NEBL: variants seen among roughly 807,000 people sequenced by gnomAD.
The protein encoded by NEBL is LIM and SH3 protein 2.
Under a neutral mutation model 140.2 loss-of-function variants are expected in NEBL, and 122 were observed. That is an observed-to-expected ratio of 0.87 (90% CI 0.75 to 1.01). The LOEUF is 1.01. Among genes scored for constraint, NEBL ranks in the 50% least tolerant of loss-of-function variants. The probability of loss-of-function intolerance (pLI) is 0.00; values close to 1 mark genes in which losing one functional copy is unlikely to be tolerated. For synonymous variants in NEBL, 436 were observed against 398.9 expected, an observed-to-expected ratio of 1.09 and a Z score of -1.11; for missense variants, 1,365 against 1,231.3, an observed-to-expected ratio of 1.11 and a Z score of -1.62.
chr10:21,128,417 G>T (rs532543921), intron 2 of NEBL, among the ~76,000 whole-genome samples: 8 of 152,144 alleles, frequency 5.3e-5, no homozygotes, highest in Middle Eastern at 6.8e-3. Flanking sequence ...ACCCCCAAGA[G>T]CATTTCAAAT....
chr10:21,269,722 G>A lies in NEBL; in HGVS notation n.183-17894C>T, dbSNP rs146808374. On this transcript the variant is annotated intron_variant and non_coding_transcript_variant, in intron 1 of 8. Transcript: ENST00000675702. Reference sequence around the variant, plus strand: ...CACTGGGCTGAATCTGTTGTTTATGGAGATTTGCTGTAGGGAATATATTTG... The same window carrying A: ...CACTGGGCTGAATCTGTTGTTTATGAAGATTTGCTGTAGGGAATATATTTG... 8.4e-3 allele frequency among the ~76,000 whole-genome samples: 1,276 copies of A among 152,274 alleles called. 8 individuals carry two copies. Among genetic ancestry groups the A allele is most frequent in the Non-Finnish European group, 0.014 (967 of 68,016 alleles).
At chr10:21,287,733 TG>T (rs2132303715) in intron 1 of NEBL, among the ~76,000 whole-genome samples, 1 of 152,280 alleles carries the variant, frequency 6.6e-6, no homozygotes, top group South Asian at 2.1e-4. Flanking sequence ...CATACTGAAT[TG>T]GCAAAATCAA....
intron 4 of NEBL, among the ~76,000 whole-genome samples, chr10:20,929,260 A>AAT (rs57452633): frequency 0.14 from 21,129 of 148,828 alleles, 1,544 homozygotes; most frequent in South Asian, 0.23. Context: ...GAGAGATATA[A>AAT]ATATATATAT....
At chr10:21,026,216 C>T (rs1321329786) in intron 2 of NEBL, among the ~76,000 whole-genome samples, 1 of 152,128 alleles carries the variant, frequency 6.6e-6, no homozygotes, top group Non-Finnish European at 1.5e-5. Context: ...TGGCAATAGG[C>T]AACGTCCGGA....
chr10:21,100,884 A>G (rs1354861719), intron 2 of NEBL, among the ~76,000 whole-genome samples: 1 of 152,170 alleles, frequency 6.6e-6, no homozygotes, highest in African/African-American at 2.4e-5. Context: ...ATGATAACAA[A>G]TTTCCTGTGA....
chr10:20,948,653 G>A (rs1048854599), intron 4 of NEBL, among the ~76,000 whole-genome samples: 1 of 152,182 alleles, frequency 6.6e-6, no homozygotes, highest in Non-Finnish European at 1.5e-5. Flanking sequence ...AAGGTTCACA[G>A]CAGTTGTTAA....
chr10:21,288,963 T>A (rs1215704158), intron 1 of NEBL, among the ~76,000 whole-genome samples: 1 of 147,528 alleles, frequency 6.8e-6, no homozygotes, highest in Non-Finnish European at 1.5e-5. Flanking sequence ...ATTCTCTGCC[T>A]CAGCCTCCCG....
intron 3 of NEBL, among the ~76,000 whole-genome samples, chr10:21,007,750 A>G (rs964882647): frequency 2.0e-5 from 3 of 152,228 alleles, no homozygotes; most frequent in African/African-American, 2.4e-5. Context: ...TAAAACAGGT[A>G]AAGCCTCTTG....
intron 2 of NEBL, among the ~76,000 whole-genome samples, chr10:21,160,408 A>G (rs1236672217): frequency 6.6e-6 from 1 of 152,130 alleles, no homozygotes; most frequent in African/African-American, 2.4e-5. Flanking sequence ...TTAAAAAAAG[A>G]CCACAGAGGC....
rs540249439 is a variant in NEBL, at chr10:20,953,665, A to C, written c.357+8007T>G. On this transcript the variant is annotated intron_variant, in intron 4 of 6. Transcript: ENST00000417816. ...AATGTTGCTACAATCCTTTGATAAAACTATAGAAGTCACTGAATATTTAAG... is the reference window on the plus strand; with the variant it reads ...AATGTTGCTACAATCCTTTGATAAACCTATAGAAGTCACTGAATATTTAAG... Among the ~76,000 whole-genome samples, 835 of 152,198 alleles carry C rather than the reference A, an allele frequency of 5.5e-3. 7 individuals carry two copies. The highest frequency in any genetic ancestry group is 0.018 in the African/African-American group (733 of 41,510).
intron 3 of NEBL, among the ~76,000 whole-genome samples, chr10:20,994,028 C>T (rs530207399): frequency 6.6e-6 from 1 of 152,202 alleles, no homozygotes; most frequent in African/African-American, 2.4e-5. Context: ...GCAGCCATCT[C>T]ACAACAGAAT....
At chr10:20,872,310 G>A (rs2131261020) in intron 5 of NEBL, among the ~76,000 whole-genome samples, 1 of 152,184 alleles carries the variant, frequency 6.6e-6, no homozygotes, top group Non-Finnish European at 1.5e-5. Flanking sequence ...CAAACAAGAG[G>A]ACACCACGGA....
chr10:20,824,529 G>T (rs1564357710), intron 18 of NEBL, among the ~76,000 whole-genome samples: 1 of 152,186 alleles, frequency 6.6e-6, no homozygotes, highest in Non-Finnish European at 1.5e-5. Context: ...GTACTCTGGA[G>T]GTGGAAAATG....
chr10:20,912,126 AT>A (rs1298800704), intron 4 of NEBL, among the ~76,000 whole-genome samples: 5 of 152,250 alleles, frequency 3.3e-5, no homozygotes, highest in African/African-American at 1.2e-4. Context: ...ATGAATGTAA[AT>A]GTAAAAACAT....
chr10:21,050,044 G>A (rs1399337987), intron 2 of NEBL, among the ~76,000 whole-genome samples: 1 of 152,094 alleles, frequency 6.6e-6, no homozygotes, highest in Non-Finnish European at 1.5e-5. Context: ...AAATGAAGGG[G>A]GAGGAAGACT....
At chr10:21,235,567 A>G (rs1004189369) in intron 3 of NEBL, among the ~76,000 whole-genome samples, 1 of 152,120 alleles carries the variant, frequency 6.6e-6, no homozygotes, top group African/African-American at 2.4e-5. Flanking sequence ...CAGCCACCTC[A>G]GCCTCCCAAA....
intron 2 of NEBL, among the ~76,000 whole-genome samples, chr10:21,036,591 G>T (rs1400948257): frequency 6.6e-6 from 1 of 152,068 alleles, no homozygotes; most frequent in Non-Finnish European, 1.5e-5. Flanking sequence ...GACAGATAGG[G>T]GCTCTGGAAA....
chr10:20,823,881 C>G (rs1275257025), intron 18 of NEBL, among the ~76,000 whole-genome samples: 1 of 152,052 alleles, frequency 6.6e-6, no homozygotes, highest in Non-Finnish European at 1.5e-5. Context: ...CCACTGGGTC[C>G]TGCATCAGTA....
intron 1 of NEBL, among the ~76,000 whole-genome samples, chr10:21,257,144 A>G: frequency 6.6e-6 from 1 of 152,206 alleles, no homozygotes; most frequent in East Asian, 1.9e-4. Context: ...AGTGTTTTAT[A>G]TTAAAATTAT....
Sources: allele counts gnomAD v4.1 joint callset (sites outside exome capture counted in the v4.1 genomes callset), GRCh38; gene constraint gnomAD v4.1.1; transcripts MANE v1.5; gene names NCBI Gene and HGNC (gene_info 2026-07-23, HGNC 2026-07-21).